GLIS3: variants seen among roughly 807,000 people sequenced by gnomAD.
GLIS3 encodes the protein zinc finger protein GLIS3.
A neutral mutation model predicts 78.6 loss-of-function variants in GLIS3; 53 were observed. The ratio of observed to expected loss-of-function variants is 0.67; its 90% CI spans 0.54 to 0.85. The LOEUF is 0.85. Among genes scored for constraint, GLIS3 ranks in the 40% least tolerant of loss-of-function variants. The pLI is 0.00. For missense variants in GLIS3, 1,703 were observed against 1,231.1 expected (o/e 1.38, Z -5.74); for synonymous variants, 684 against 509.9 (o/e 1.34, Z -4.60).
chr9:4,339,566 A>C (rs1817802823), intron 2 of GLIS3, among the ~76,000 whole-genome samples: 1 of 150,954 alleles, frequency 6.6e-6, no homozygotes, highest in Non-Finnish European at 1.5e-5. Context: ...GAACCTCTCC[A>C]ACCTGTTGCT....
At chr9:4,377,410 T>C in the GLIS3 span, among the ~76,000 whole-genome samples, 2 of 135,708 alleles carry the variant, frequency 1.5e-5, 1 homozygote, top group Non-Finnish European at 3.3e-5. Flanking sequence ...TTACACCAGT[T>C]GTTTGCTGGG....
the GLIS3 span, among the ~76,000 whole-genome samples, chr9:4,480,363 C>T: frequency 2.6e-5 from 4 of 152,000 alleles, no homozygotes; most frequent in South Asian, 8.3e-4. Flanking sequence ...TGCCATCACA[C>T]CTGTCTAACT....
the GLIS3 span, among the ~76,000 whole-genome samples, chr9:4,476,659 G>C: frequency 6.6e-6 from 1 of 151,992 alleles, no homozygotes; most frequent in Non-Finnish European, 1.5e-5. Flanking sequence ...ACCATGCCCG[G>C]CCCAGTGGTC....
chr9:4,184,701 A>C (rs1026640838), intron 2 of GLIS3, among the ~76,000 whole-genome samples: 3 of 152,226 alleles, frequency 2.0e-5, no homozygotes, highest in African/African-American at 7.2e-5. Context: ...AGAGACTTAA[A>C]CAGCAGATTT....
intron 4 of GLIS3, among the ~76,000 whole-genome samples, chr9:4,030,669 T>C (rs1289431130): frequency 6.6e-6 from 1 of 152,200 alleles, no homozygotes; most frequent in Admixed American, 6.5e-5. Context: ...AAGCACCATT[T>C]ATTGAAGAGA....
intron 4 of GLIS3, among the ~76,000 whole-genome samples, chr9:3,999,956 GA>G (rs1218423736): frequency 6.6e-6 from 1 of 151,976 alleles, no homozygotes; most frequent in Non-Finnish European, 1.5e-5. Context: ...ATTAATATAC[GA>G]AAAAGGTATA....
chr9:4,466,447 A>G, the GLIS3 span, among the ~76,000 whole-genome samples: 1 of 152,246 alleles, frequency 6.6e-6, no homozygotes, highest in Non-Finnish European at 1.5e-5. Context: ...TTATGAGGCC[A>G]GTATTACCCT....
rs1398961823 is a variant in GLIS3 at position 4,102,064 on chromosome 9, T to A, written c.1710+15704A>T. 2.0e-5 allele frequency among the ~76,000 whole-genome samples: 3 copies of A among 152,194 alleles called. No individual in the cohort carries two copies. In the East Asian group the frequency reaches 5.8e-4, roughly 29 times the overall value. On this transcript the variant is annotated intron_variant, in intron 4 of 10. Coordinates refer to ENST00000381971, the MANE Select transcript of GLIS3 (RefSeq NM_001042413.2). ...ATTATTCTCCATCTAAGTCTAGAAA[T>A]CTGGCTTAAAATACTGCACTATTTC...
At chr9:4,433,274 A>G in the GLIS3 span, among the ~76,000 whole-genome samples, 1 of 152,244 alleles carries the variant, frequency 6.6e-6, no homozygotes, top group African/African-American at 2.4e-5. Context: ...TCTACTAAAA[A>G]TACAAAGATT....
chr9:4,352,306 C>T (rs946155939), upstream of GLIS3, among the ~76,000 whole-genome samples: 5 of 152,354 alleles, frequency 3.3e-5, no homozygotes, highest in African/African-American at 1.2e-4. Flanking sequence ...AAGGGAGCCA[C>T]CTGAGGTTGG....
chr9:3,918,040 A>G, intron 6 of GLIS3, among the ~76,000 whole-genome samples: 1 of 152,218 alleles, frequency 6.6e-6, no homozygotes, highest in Non-Finnish European at 1.5e-5. Flanking sequence ...AACTGATGGC[A>G]CTCATGGGCA....
chr9:3,911,770 A>C (rs1824170258), intron 6 of GLIS3, among the ~76,000 whole-genome samples: 1 of 152,206 alleles, frequency 6.6e-6, no homozygotes, highest in African/African-American at 2.4e-5. Context: ...GGATAACATG[A>C]GATAAGAAAG....
At chr9:3,910,341 G>A (rs1056257747) in intron 6 of GLIS3, among the ~76,000 whole-genome samples, 1 of 152,070 alleles carries the variant, frequency 6.6e-6, no homozygotes, top group African/African-American at 2.4e-5. Context: ...AAAAAATTTT[G>A]TTTTGTTATT....
chr9:4,341,910 T>C (rs1012536633), intron 2 of GLIS3, among the ~76,000 whole-genome samples: 1 of 152,256 alleles, frequency 6.6e-6, no homozygotes, highest in African/African-American at 2.4e-5. Flanking sequence ...TTGAGAAGTA[T>C]CTGTTCATGT....
chr9:4,105,433 T>C (rs1047582386), intron 4 of GLIS3, among the ~76,000 whole-genome samples: 2 of 152,182 alleles, frequency 1.3e-5, no homozygotes, highest in Non-Finnish European at 2.9e-5. Context: ...TTTTTCCTTT[T>C]TGGCAACCCC....
At chr9:4,066,423 C>T (rs767417936) in intron 4 of GLIS3, among the ~76,000 whole-genome samples, 17 of 152,132 alleles carry the variant, frequency 1.1e-4, no homozygotes, top group Admixed American at 3.3e-4. Context: ...TTCCAGCCAC[C>T]TCCTGGTTGT....
At chr9:3,850,561 C>A (rs987295246) in intron 9 of GLIS3, among the ~76,000 whole-genome samples, 2 of 152,190 alleles carry the variant, frequency 1.3e-5, no homozygotes, top group African/African-American at 4.8e-5. Context: ...TACATGTGGC[C>A]CAACATAATC....
At chr9:3,969,942 C>A (rs1349404978) in intron 4 of GLIS3, among the ~76,000 whole-genome samples, 1 of 152,198 alleles carries the variant, frequency 6.6e-6, no homozygotes, top group African/African-American at 2.4e-5. Flanking sequence ...AGGGGCAAAT[C>A]TTGCAACTTG....
intron 2 of GLIS3, among the ~76,000 whole-genome samples, chr9:4,205,123 C>G (rs557996214): frequency 6.8e-6 from 1 of 146,962 alleles, no homozygotes; most frequent in South Asian, 2.2e-4. Context: ...ATGCAGTGAG[C>G]TGAGATCACC....
Sources: gnomAD v4.1 joint callset for allele counts (sites outside exome capture counted in the v4.1 genomes callset) on GRCh38, gnomAD v4.1.1 for gene constraint, MANE v1.5 for transcripts, NCBI Gene and HGNC (gene_info 2026-07-23, HGNC 2026-07-21) for gene names.